The following KHDRBS2 variants were observed in gnomAD, a reference collection of about 807,000 sequenced individuals.
The protein encoded by KHDRBS2 is KH RNA binding domain containing, signal transduction associated 2.
KHDRBS2 carries 26 observed loss-of-function variants against 44.3 expected under a neutral mutation model. That is an observed-to-expected ratio of 0.59 (90% CI 0.43 to 0.81). The LOEUF is 0.81. KHDRBS2 is among the 40% of genes least tolerant of loss of function. The pLI is 0.00. For synonymous variants in KHDRBS2, 194 were observed against 151.1 expected (o/e 1.28, Z -2.08); for missense variants, 476 against 433.1 (o/e 1.10, Z -0.88).
chr6:61,901,412 T>A (rs753258129), intron 4 of KHDRBS2, 41 bp from the exon 5 acceptor site: 1 of 1,521,352 alleles, frequency 6.6e-7, no homozygotes. Context: ...AAATGGGACA[T>A]GCCGTTCTCA....
At chr6:61,672,939 G>C in the KHDRBS2 span, among the ~76,000 whole-genome samples, 1 of 151,928 alleles carries the variant, frequency 6.6e-6, no homozygotes, top group African/African-American at 2.4e-5. Flanking sequence ...TGTCCTGAAT[G>C]GTAATGCCTA....
chr6:62,123,018 TTAAG>T (rs555574143), intron 2 of KHDRBS2, among the ~76,000 whole-genome samples: 103 of 152,216 alleles, frequency 6.8e-4, no homozygotes, highest in African/African-American at 2.5e-3. Flanking sequence ...GAGATTTACA[TTAAG>T]TGTTTCTCCT....
intron 3 of KHDRBS2, among the ~76,000 whole-genome samples, chr6:61,984,634 A>G (rs1362266033): frequency 1.3e-5 from 2 of 152,190 alleles, no homozygotes; most frequent in Non-Finnish European, 2.9e-5. Context: ...CCATCCATTC[A>G]TTAAAATCTG....
chr6:61,822,238 C>T (rs1562247886), intron 6 of KHDRBS2, among the ~76,000 whole-genome samples: 1 of 151,994 alleles, frequency 6.6e-6, no homozygotes, highest in Non-Finnish European at 1.5e-5. Context: ...AGTTCATCTT[C>T]TTTTCCCAAA....
intron 2 of KHDRBS2, among the ~76,000 whole-genome samples, chr6:62,155,577 T>C (rs1816175901): frequency 6.6e-6 from 1 of 152,156 alleles, no homozygotes; most frequent in Non-Finnish European, 1.5e-5. Flanking sequence ...ATGCTGTCTT[T>C]AAGACCACTA....
intron 3 of KHDRBS2, among the ~76,000 whole-genome samples, chr6:62,004,474 C>A (rs998859405): frequency 1.2e-4 from 18 of 152,034 alleles, no homozygotes; most frequent in African/African-American, 4.3e-4. Flanking sequence ...ACATTGAATC[C>A]CTGAATAGAC....
At chr6:62,227,496 C>A (rs750055722) in intron 1 of KHDRBS2, among the ~76,000 whole-genome samples, 14 of 152,110 alleles carry the variant, frequency 9.2e-5, no homozygotes, top group Non-Finnish European at 1.9e-4. Context: ...TCTTCTCTTC[C>A]TATTTGAATG....
chr6:61,555,293 A>G, the KHDRBS2 span, among the ~76,000 whole-genome samples: 2 of 152,266 alleles, frequency 1.3e-5, no homozygotes, highest in African/African-American at 4.8e-5. Flanking sequence ...AGCTTGGTCA[A>G]TTCTGCTGTT....
chr6:62,030,838 A>T (rs1784214802), intron 3 of KHDRBS2, among the ~76,000 whole-genome samples: 1 of 152,150 alleles, frequency 6.6e-6, no homozygotes, highest in South Asian at 2.1e-4. Context: ...ACATATATAA[A>T]TCGTCATAGT....
intron 1 of KHDRBS2, among the ~76,000 whole-genome samples, chr6:62,222,188 T>A (rs1379648595): frequency 6.6e-6 from 1 of 151,584 alleles, no homozygotes; most frequent in East Asian, 1.9e-4. Context: ...GTATTTTGCA[T>A]GAATACTGCT....
chr6:61,844,928 C>T (rs1794159828), intron 6 of KHDRBS2, among the ~76,000 whole-genome samples: 1 of 152,120 alleles, frequency 6.6e-6, no homozygotes, highest in African/African-American at 2.4e-5. Flanking sequence ...TTAAATTAAT[C>T]AACAGATGCC....
chr6:61,859,181 A>G (rs1212270016), intron 6 of KHDRBS2, among the ~76,000 whole-genome samples: 1 of 151,918 alleles, frequency 6.6e-6, no homozygotes, highest in Non-Finnish European at 1.5e-5. Flanking sequence ...AAGAGCTTCA[A>G]ATGATTACAA....
intron 6 of KHDRBS2, among the ~76,000 whole-genome samples, chr6:61,773,934 G>C (rs1057509294): frequency 2.0e-5 from 3 of 151,966 alleles, no homozygotes; most frequent in Non-Finnish European, 2.9e-5. Flanking sequence ...TCTCAGGTTT[G>C]TCAAAGATCA....
At chr6:61,662,129 G>C in the KHDRBS2 span, among the ~76,000 whole-genome samples, 1 of 151,872 alleles carries the variant, frequency 6.6e-6, no homozygotes, top group African/African-American at 2.4e-5. Flanking sequence ...ACAAACCTGA[G>C]AAAAACAAGC....
intron 1 of KHDRBS2, among the ~76,000 whole-genome samples, chr6:62,193,768 T>C (rs896167598): frequency 3.3e-5 from 5 of 152,162 alleles, no homozygotes; most frequent in African/African-American, 1.2e-4. Context: ...ATTTTAGCCA[T>C]CCTAGCATGT....
At chr6:61,710,542 G>A (rs1295066412) in intron 7 of KHDRBS2, among the ~76,000 whole-genome samples, 3 of 151,432 alleles carry the variant, frequency 2.0e-5, no homozygotes, top group Non-Finnish European at 4.4e-5. Context: ...ATCAAGGCAT[G>A]GTGGAGTGTC....
intron 7 of KHDRBS2, among the ~76,000 whole-genome samples, chr6:61,698,163 C>T (rs1768130892): frequency 1.3e-5 from 2 of 152,132 alleles, no homozygotes; most frequent in Non-Finnish European, 2.9e-5. Context: ...CACCATTTAA[C>T]ACAGTTGATT....
chr6:61,967,424 TAGAC>T (rs917238301), intron 4 of KHDRBS2, among the ~76,000 whole-genome samples: 30 of 151,880 alleles, frequency 2.0e-4, no homozygotes, highest in South Asian at 8.3e-4. Context: ...GACAGATAGA[TAGAC>T]AGATGGATAG....
intron 6 of KHDRBS2, among the ~76,000 whole-genome samples, chr6:61,758,483 T>G (rs1186794776): frequency 6.6e-6 from 1 of 151,974 alleles, no homozygotes; most frequent in African/African-American, 2.4e-5. Flanking sequence ...TATACAGTAT[T>G]TTATATGCAT....
Sources: allele counts gnomAD v4.1 joint callset (sites outside exome capture counted in the v4.1 genomes callset), GRCh38; gene constraint gnomAD v4.1.1; transcripts MANE v1.5; gene names NCBI Gene and HGNC (gene_info 2026-07-23, HGNC 2026-07-21).